Variants in RNF170 observed in about 807,000 individuals in gnomAD.
The protein encoded by RNF170 is E3 ubiquitin-protein ligase RNF170.
A neutral mutation model predicts 32.7 loss-of-function variants in RNF170; 12 were observed. The ratio of observed to expected loss-of-function variants is 0.37; its 90% CI spans 0.24 to 0.60. The LOEUF (loss-of-function observed/expected upper bound fraction) is 0.60. Ranked by LOEUF, RNF170 falls within the 20% of genes least tolerant of loss-of-function variation. RNF170 has a pLI of 0.72. For missense variants in RNF170, 212 were observed against 311.2 expected (o/e 0.68, Z 2.40); for synonymous variants, 91 against 103.6 (o/e 0.88, Z 0.74).
intron 1 of RNF170, chr8:42,896,131 G>C (rs1160755994): frequency 9.6e-6 from 2 of 207,634 alleles, no homozygotes; most frequent in African/African-American, 4.8e-5. Context: ...GCCCGGGGTC[G>C]GCCGGTGTCC....
At chr8:42,879,678 C>CTT (rs879305808) in intron 2 of RNF170, among the ~76,000 whole-genome samples, 1 of 146,126 alleles carries the variant, frequency 6.8e-6, no homozygotes. Context: ...AATAAAATAA[C>CTT]TTTTTTTTTT....
chr8:42,880,050 C>T (rs1198021012), intron 2 of RNF170, among the ~76,000 whole-genome samples: 1 of 152,132 alleles, frequency 6.6e-6, no homozygotes, highest in East Asian at 1.9e-4. Context: ...GACTCCAGCC[C>T]TCATGGATGA....
intron 4 of RNF170, among the ~76,000 whole-genome samples, chr8:42,867,557 C>T (rs113726086): frequency 0.045 from 6,777 of 149,168 alleles, 312 homozygotes; most frequent in African/African-American, 0.11. Flanking sequence ...GGGTGGATCA[C>T]GAGGTCAGGA....
intron 4 of RNF170, among the ~76,000 whole-genome samples, chr8:42,866,914 G>C (rs1201289139): frequency 6.6e-6 from 1 of 152,202 alleles, no homozygotes; most frequent in Admixed American, 6.5e-5. Context: ...TAGGACACCT[G>C]CATCTTCAAC....
chr8:42,896,629 C>G (rs1806928604), upstream of RNF170: 1 of 453,108 alleles, frequency 2.2e-6, no homozygotes, highest in South Asian at 1.5e-5. Context: ...CGCGCACTGC[C>G]GAGCTTCCGC....
In RNF170 at chr8:42,853,531, C is replaced by G. The variant is rs1803012925; in HGVS notation, c.*2628G>C. ...CAGTTAGAACAGTTGTTTTCCCCGT[C>G]TTGTTCCCCACAGAGCTGCCCAAGT... is the stretch of plus-strand genomic sequence containing the variant. On this transcript the variant is annotated 3_prime_UTR_variant, in exon 7 of 7. Transcript: ENST00000527424. 2 of 1,287,134 alleles carry G rather than the reference C, an allele frequency of 1.6e-6. No individual in the cohort carries two copies. Among genetic ancestry groups the G allele is most frequent in the Non-Finnish European group, 2.0e-6 (2 of 988,672 alleles). 79.7% of individuals were successfully genotyped at this position (1,287,134 alleles called of 1,614,324 possible). A position where few individuals can be genotyped will look rare whatever the true frequency, so the allele number is the denominator to read the frequency against.
intron 1 of RNF170, among the ~76,000 whole-genome samples, chr8:42,891,249 G>T (rs1179431719): frequency 6.6e-6 from 1 of 152,144 alleles, no homozygotes; most frequent in African/African-American, 2.4e-5. Flanking sequence ...CTTAAGCCTT[G>T]AAAGAGATAT....
intron 1 of RNF170, among the ~76,000 whole-genome samples, chr8:42,890,255 A>G (rs905556602): frequency 2.7e-5 from 4 of 149,494 alleles, no homozygotes; most frequent in African/African-American, 9.8e-5. Flanking sequence ...CTATGTGATT[A>G]TATTCTTTTT....
chr8:42,852,693 G>A (rs1802971976), downstream of RNF170, among the ~76,000 whole-genome samples: 1 of 152,200 alleles, frequency 6.6e-6, no homozygotes, highest in African/African-American at 2.4e-5. Context: ...GGGATTACAG[G>A]TGTGAGCCAC....
intron 1 of RNF170, among the ~76,000 whole-genome samples, chr8:42,888,520 T>C (rs1175777117): frequency 4.0e-5 from 6 of 151,356 alleles, no homozygotes; most frequent in Non-Finnish European, 7.4e-5. Context: ...CCCAGCATTA[T>C]GGGAGGCTGA....
intron 1 of RNF170, among the ~76,000 whole-genome samples, chr8:42,890,751 C>T (rs1220506771): frequency 6.6e-6 from 1 of 152,084 alleles, no homozygotes; most frequent in Admixed American, 6.6e-5. Flanking sequence ...CATGGAAATC[C>T]CAACAAAAGC....
chr8:42,874,587 C>G (rs1008612789), intron 2 of RNF170, among the ~76,000 whole-genome samples: 1 of 151,042 alleles, frequency 6.6e-6, no homozygotes, highest in Non-Finnish European at 1.5e-5. Context: ...ACTAAAAATA[C>G]AAAAATTAGC....
At chr8:42,869,154 C>G (rs1804337784) in intron 4 of RNF170, among the ~76,000 whole-genome samples, 1 of 152,190 alleles carries the variant, frequency 6.6e-6, no homozygotes, top group Non-Finnish European at 1.5e-5. Flanking sequence ...AAGCAATCCT[C>G]CTGCCTTAGC....
intron 1 of RNF170, among the ~76,000 whole-genome samples, chr8:42,894,022 T>C (rs564281251): frequency 1.2e-4 from 18 of 151,936 alleles, no homozygotes; most frequent in Admixed American, 6.6e-5. Flanking sequence ...AATAGAAAAA[T>C]AGGAAATTCC....
chr8:42,883,430 A>G (rs979641243), intron 2 of RNF170, among the ~76,000 whole-genome samples: 2 of 152,108 alleles, frequency 1.3e-5, no homozygotes, highest in African/African-American at 4.8e-5. Flanking sequence ...TTAGCCAGGC[A>G]TGGTGGCGCG....
chr8:42,886,669 C>T (rs914646467), intron 2 of RNF170, among the ~76,000 whole-genome samples: 2 of 152,032 alleles, frequency 1.3e-5, no homozygotes, highest in Non-Finnish European at 2.9e-5. Flanking sequence ...TCAGGTGATC[C>T]GCCTGCCTCA....
chr8:42,887,146 G>A (rs1372366105), intron 2 of RNF170, among the ~76,000 whole-genome samples: 1 of 152,098 alleles, frequency 6.6e-6, no homozygotes, highest in African/African-American at 2.4e-5. Flanking sequence ...TATAAAATAA[G>A]CCGGGCATGG....
At chr8:42,857,523 A>G (rs1803332206) in intron 6 of RNF170, among the ~76,000 whole-genome samples, 1 of 152,224 alleles carries the variant, frequency 6.6e-6, no homozygotes, top group South Asian at 2.1e-4. Flanking sequence ...TTTATACAAA[A>G]TCTTTAATAA....
At chr8:42,888,779 C>A (rs1475287707) in intron 1 of RNF170, among the ~76,000 whole-genome samples, 1 of 149,362 alleles carries the variant, frequency 6.7e-6, no homozygotes, top group Non-Finnish European at 1.5e-5. Flanking sequence ...ACCTCCCCAC[C>A]CCCCAACCAA....
Sources: allele counts gnomAD v4.1 joint callset (sites outside exome capture counted in the v4.1 genomes callset), GRCh38; gene constraint gnomAD v4.1.1; transcripts MANE v1.5; gene names NCBI Gene and HGNC (gene_info 2026-07-23, HGNC 2026-07-21).